The following SULF1 variants were observed in gnomAD, a reference collection of about 807,000 sequenced individuals.
SULF1 encodes extracellular sulfatase Sulf-1.
In SULF1, 46 loss-of-function variants were observed where a neutral mutation model predicts 110.5. The ratio of observed to expected loss-of-function variants is 0.42; its 90% CI spans 0.33 to 0.53. The LOEUF is 0.53. Among genes scored for constraint, SULF1 ranks in the 20% least tolerant of loss-of-function variants. The pLI is 0.12. For missense variants in SULF1, 941 were observed against 1,094.2 expected, an observed-to-expected ratio of 0.86 and a Z score of 1.98; for synonymous variants, 371 against 387.1, an observed-to-expected ratio of 0.96 and a Z score of 0.49.
At chr8:69,556,681 G>GA (rs1815137617) in intron 3 of SULF1, among the ~76,000 whole-genome samples, 1 of 152,106 alleles carries the variant, frequency 6.6e-6, no homozygotes, top group Non-Finnish European at 1.5e-5. Flanking sequence ...TTAAGACCTA[G>GA]CTAAGATGCC....
At chr8:69,586,327 G>A in intron 6 of SULF1, 30 bp from the exon 7 acceptor site, 1 of 1,540,248 alleles carries the variant, frequency 6.5e-7, no homozygotes, top group Non-Finnish European at 8.7e-7. Flanking sequence ...CATTTTACGT[G>A]AAAAAAATAA....
intron 16 of SULF1, 120 bp downstream of exon 16, chr8:69,627,426 C>A (rs78607049): frequency 4.8e-4 from 260 of 545,670 alleles, no homozygotes; most frequent in Middle Eastern, 1.1e-3. Flanking sequence ...TGAAAAAATA[C>A]AAAAAAAAAA....
chr8:69,622,916 A>C (rs775585042), intron 14 of SULF1, among the ~76,000 whole-genome samples: 4 of 152,194 alleles, frequency 2.6e-5, no homozygotes, highest in African/African-American at 9.7e-5. Flanking sequence ...TGCAGGATTC[A>C]GCTGAGAGGT....
chr8:69,466,955 A>G (rs1398164761), intron 1 of SULF1: 1 of 152,174 alleles, frequency 6.6e-6, no homozygotes, highest in African/African-American at 2.4e-5. Flanking sequence ...TTTCAGGTAA[A>G]GTAAAAGACA....
intron 3 of SULF1, among the ~76,000 whole-genome samples, chr8:69,506,256 A>C (rs1401075254): frequency 6.6e-6 from 1 of 152,058 alleles, no homozygotes; most frequent in Non-Finnish European, 1.5e-5. Flanking sequence ...ACACACACAC[A>C]CACAATCAAT....
chr8:69,468,000 C>T (rs897390942), intron 1 of SULF1, among the ~76,000 whole-genome samples: 1 of 151,716 alleles, frequency 6.6e-6, no homozygotes, highest in Non-Finnish European at 1.5e-5. Context: ...AAAAAAAAGG[C>T]CTTTCAATTC....
chr8:69,489,701 C>T (rs1809847000), upstream of SULF1, among the ~76,000 whole-genome samples: 1 of 151,546 alleles, frequency 6.6e-6, no homozygotes, highest in African/African-American at 2.4e-5. Flanking sequence ...CTCAGCCTCC[C>T]AAGTAGCTGG....
chr8:69,552,805 G>A lies in SULF1; in HGVS notation c.-133-10734G>A, dbSNP rs150154603. Among the ~76,000 whole-genome samples the A allele has an allele frequency of 4.5e-4, 68 of 152,302 alleles. No homozygotes were observed. The East Asian group carries it at 9.4e-3, about 21-fold the overall frequency. Reference sequence around the variant, plus strand: ...GAAACAATCTTGAATTATTTAAATCGTTTGTTATGTAAAAAAATGTAGAAT... The same window carrying A: ...GAAACAATCTTGAATTATTTAAATCATTTGTTATGTAAAAAAATGTAGAAT... On this transcript the variant is annotated intron_variant, in intron 3 of 22. Coordinates refer to ENST00000402687, the MANE Select transcript of SULF1 (RefSeq NM_001128205.2).
chr8:69,530,638 G>A (rs16936012), intron 3 of SULF1, among the ~76,000 whole-genome samples: 2 of 152,042 alleles, frequency 1.3e-5, no homozygotes, highest in South Asian at 2.1e-4. Context: ...TTCCTCTACC[G>A]TAGTAACCAG....
At chr8:69,595,598 G>A (rs777126314) in intron 8 of SULF1, among the ~76,000 whole-genome samples, 12 of 152,144 alleles carry the variant, frequency 7.9e-5, no homozygotes, top group Non-Finnish European at 1.6e-4. Context: ...TGCTTTGAAT[G>A]TGTACCTTAA....
At chr8:69,635,699 A>C (rs78191754) in intron 19 of SULF1, among the ~76,000 whole-genome samples, 2,461 of 152,188 alleles carry the variant, frequency 0.016, 62 homozygotes, top group African/African-American at 0.056. Flanking sequence ...TGCCAAGACC[A>C]ATCTCTACAA....
intron 3 of SULF1, among the ~76,000 whole-genome samples, chr8:69,525,900 T>A (rs1563497132): frequency 2.6e-5 from 4 of 152,158 alleles, no homozygotes; most frequent in Admixed American, 2.6e-4. Context: ...ACTGCCTCTT[T>A]AGAGGTTGTT....
chr8:69,656,272 T>C lies in SULF1; in HGVS notation c.2586-2233T>C, dbSNP rs139558642. On this transcript the variant is annotated intron_variant, in intron 22 of 22. Coordinates refer to ENST00000402687, the MANE Select transcript of SULF1 (RefSeq NM_001128205.2). ...GGAGCATTTTCTTAAGATGGTTTTT[T>C]AAATTCTTGTTTTCCACTTTATTTT... Among the ~76,000 whole-genome samples, 416 of 152,338 alleles carry C rather than the reference T, an allele frequency of 2.7e-3. 2 individuals are homozygous for C. The highest frequency in any genetic ancestry group is 9.6e-3 in the African/African-American group (398 of 41,566).
intron 22 of SULF1, chr8:69,642,162 T>C: frequency 2.4e-6 from 2 of 837,388 alleles, no homozygotes; most frequent in Non-Finnish European, 2.9e-6. Context: ...ATTAATATCT[T>C]CTTTATCTAT....
intron 6 of SULF1, among the ~76,000 whole-genome samples, chr8:69,583,944 A>G (rs1806263435): frequency 6.6e-6 from 1 of 152,228 alleles, no homozygotes; most frequent in Non-Finnish European, 1.5e-5. Flanking sequence ...ACAAGCAAAA[A>G]TAGAGAGGTG....
chr8:69,505,610 C>T (rs540860891), intron 3 of SULF1, among the ~76,000 whole-genome samples: 60 of 152,176 alleles, frequency 3.9e-4, no homozygotes, highest in African/African-American at 1.3e-3. Context: ...TAGACTGTAA[C>T]AGTAAACTAA....
At chr8:69,513,671 C>T (rs934968833) in intron 3 of SULF1, among the ~76,000 whole-genome samples, 4 of 152,190 alleles carry the variant, frequency 2.6e-5, no homozygotes, top group Non-Finnish European at 5.9e-5. Context: ...GAACAAAGCC[C>T]TTGTGAATCC....
chr8:69,623,711 G>A (rs1809786636), intron 14 of SULF1, among the ~76,000 whole-genome samples: 1 of 151,720 alleles, frequency 6.6e-6, no homozygotes, highest in Admixed American at 6.6e-5. Context: ...AGAGAAGTGT[G>A]TCATCCATCA....
chr8:69,603,721 AT>A (rs1052641110), intron 12 of SULF1, 65 bp downstream of exon 12: 39 of 1,090,540 alleles, frequency 3.6e-5, no homozygotes, highest in South Asian at 7.6e-5. Context: ...CCTGCTGAGT[AT>A]TTTTTTTCTC....
Sources: allele counts gnomAD v4.1 joint callset (sites outside exome capture counted in the v4.1 genomes callset), GRCh38; gene constraint gnomAD v4.1.1; transcripts MANE v1.5; gene names NCBI Gene and HGNC (gene_info 2026-07-23, HGNC 2026-07-21).